Variants in DOCK1 observed in about 807,000 individuals in gnomAD.
DOCK1 encodes dedicator of cytokinesis 1.
A neutral mutation model predicts 262.7 loss-of-function variants in DOCK1; 138 were observed. The observed-to-expected ratio is 0.53, with a 90% CI of 0.46 to 0.61. The LOEUF is 0.61. Ranked by LOEUF, DOCK1 falls within the 20% of genes least tolerant of loss-of-function variation. DOCK1 has a pLI of 0.00. For synonymous variants in DOCK1, 866 were observed against 867.4 expected, an observed-to-expected ratio of 1.00 and a Z score of 0.03; for missense variants, 1,908 against 2,370.7, an observed-to-expected ratio of 0.80 and a Z score of 4.05.
intron 27 of DOCK1, among the ~76,000 whole-genome samples, chr10:127,162,072 G>A (rs139816932): frequency 1.7e-4 from 26 of 152,264 alleles, no homozygotes; most frequent in African/African-American, 5.5e-4. Flanking sequence ...TTTCGAGAAC[G>A]TTAATGCGAT....
At chr10:127,297,303 A>G (rs2061535595) in intron 29 of DOCK1, among the ~76,000 whole-genome samples, 1 of 152,202 alleles carries the variant, frequency 6.6e-6, no homozygotes, top group African/African-American at 2.4e-5. Flanking sequence ...GGAGGGACGA[A>G]TCCATAGCTC....
chr10:126,963,580 CCTCCCTTCCCT>C (rs2037394719), intron 1 of DOCK1, among the ~76,000 whole-genome samples: 4 of 124,472 alleles, frequency 3.2e-5, no homozygotes, highest in African/African-American at 9.4e-5. Context: ...CCTCTCCTTC[CCTCCCTTCCCT>C]TCCCTTCCCT....
At chr10:127,412,905 C>G (rs374574443) in intron 43 of DOCK1, among the ~76,000 whole-genome samples, 2 of 152,298 alleles carry the variant, frequency 1.3e-5, no homozygotes, top group East Asian at 3.9e-4. Flanking sequence ...AGATTATGTT[C>G]ACCCTATTTG....
intron 1 of DOCK1, among the ~76,000 whole-genome samples, chr10:126,916,036 C>T (rs115458662): frequency 0.04 from 6,048 of 152,176 alleles, 424 homozygotes; most frequent in African/African-American, 0.14. Context: ...AAAAGTTAGG[C>T]GTTGGGACAC....
In DOCK1 at chr10:126,960,745, T is replaced by TATAC. The variant is rs1429186588; in HGVS notation, c.47-9956_47-9955insTACA. 1.2e-3 allele frequency among the ~76,000 whole-genome samples: 137 copies of TATAC among 115,496 alleles called. 1 individual carries two copies. The highest frequency in any genetic ancestry group is 1.8e-3 in the Non-Finnish European group (103 of 56,414). The allele number at this position is 115,496 out of a possible 152,430, so 75.8% of individuals were successfully genotyped here. A position where few individuals can be genotyped will look rare whatever the true frequency, so the allele number is the denominator to read the frequency against. On this transcript the variant is annotated intron_variant, in intron 1 of 51. Transcript: ENST00000623213. ...TCAAATATATATATATATATATATA[T>TATAC]ACACACACACACACACAGACACATA...
chr10:127,203,268 A>G, intron 27 of DOCK1, among the ~76,000 whole-genome samples: 1 of 152,172 alleles, frequency 6.6e-6, no homozygotes, highest in African/African-American at 2.4e-5. Flanking sequence ...GATTATCTTG[A>G]ACACCTCTTT....
chr10:126,946,958 C>T (rs901880081), intron 1 of DOCK1, among the ~76,000 whole-genome samples: 18 of 152,284 alleles, frequency 1.2e-4, no homozygotes, highest in Admixed American at 1.2e-3. Flanking sequence ...CATTGTGAAG[C>T]AGATCAATGC....
intron 25 of DOCK1, among the ~76,000 whole-genome samples, chr10:127,115,303 C>T (rs570891110): frequency 1.1e-4 from 17 of 152,264 alleles, no homozygotes; most frequent in Admixed American, 9.8e-4. Context: ...GTGTGTGAGT[C>T]AGTGAATGGG....
At chr10:127,041,004 C>T (rs1480634051) in intron 19 of DOCK1, among the ~76,000 whole-genome samples, 4 of 152,170 alleles carry the variant, frequency 2.6e-5, no homozygotes, top group East Asian at 3.9e-4. Context: ...TTGAATCATA[C>T]GCCCTGTGGC....
intron 23 of DOCK1, among the ~76,000 whole-genome samples, chr10:127,077,444 C>A (rs927204487): frequency 6.6e-6 from 1 of 152,178 alleles, no homozygotes; most frequent in African/African-American, 2.4e-5. Context: ...CTAAGTACTT[C>A]TCCAGCACTG....
chr10:127,008,661 CCTTT>C, intron 10 of DOCK1, 67 bp from the exon 11 acceptor site: 2 of 1,281,118 alleles, frequency 1.6e-6, no homozygotes, highest in Non-Finnish European at 2.2e-6. Flanking sequence ...TTCTGATGTT[CCTTT>C]GTTTGTTTGT....
intron 29 of DOCK1, among the ~76,000 whole-genome samples, chr10:127,270,182 A>G (rs922175001): frequency 6.6e-6 from 1 of 152,134 alleles, no homozygotes; most frequent in African/African-American, 2.4e-5. Flanking sequence ...CCGCACCTCC[A>G]CAGGCTCCCG....
In DOCK1 at chr10:127,175,493, C is replaced by T. The variant is rs564423956; in HGVS notation, c.2847+47729C>T. On this transcript the variant is annotated intron_variant, in intron 27 of 51. Transcript: ENST00000623213. The surrounding 1 kb of genome is among the most constrained non-coding windows in gnomAD (Gnocchi z 6.3). ...GGGGTGAGCAGGCCAGGGCAGTTTC[C>T]GAGGGCGCCTGGAGCCCGTTGAGAT... is the stretch of plus-strand genomic sequence containing the variant. 49 of 1,608,822 alleles carry T rather than the reference C, an allele frequency of 3.0e-5. No individual in the cohort carries two copies. The East Asian group carries it at 4.2e-4, about 14-fold the overall frequency.
At chr10:126,941,639 C>T (rs1050568570) in intron 1 of DOCK1, among the ~76,000 whole-genome samples, 2 of 152,064 alleles carry the variant, frequency 1.3e-5, no homozygotes, top group Non-Finnish European at 2.9e-5. Flanking sequence ...GCCTGTAGTC[C>T]CGCTACTCGG....
intron 27 of DOCK1, among the ~76,000 whole-genome samples, chr10:127,153,414 G>T (rs75302514): frequency 0.022 from 3,274 of 152,262 alleles, 113 homozygotes; most frequent in African/African-American, 0.071. Flanking sequence ...CACAATCCTC[G>T]AGAGTTCCCA....
chr10:127,107,467 C>G (rs923131123), intron 24 of DOCK1, among the ~76,000 whole-genome samples: 1 of 152,150 alleles, frequency 6.6e-6, no homozygotes, highest in East Asian at 1.9e-4. Context: ...ATTTTCTGCT[C>G]CCAGGGCACC....
intron 1 of DOCK1, among the ~76,000 whole-genome samples, chr10:126,957,584 C>G (rs1269678680): frequency 2.6e-5 from 4 of 152,142 alleles, no homozygotes; most frequent in Non-Finnish European, 4.4e-5. Context: ...CTCCTGGGCT[C>G]AAGTGATCCT....
intron 40 of DOCK1, among the ~76,000 whole-genome samples, chr10:127,405,873 C>T (rs1298239701): frequency 1.3e-5 from 2 of 152,176 alleles, no homozygotes; most frequent in East Asian, 3.9e-4. Flanking sequence ...AGCGGTTGAT[C>T]AGAAGCACAG....
At chr10:127,409,555 G>C (rs1736543923) in intron 42 of DOCK1, among the ~76,000 whole-genome samples, 164 bp downstream of exon 42, 1 of 152,124 alleles carries the variant, frequency 6.6e-6, no homozygotes, top group Non-Finnish European at 1.5e-5. Flanking sequence ...ATTATTTTCA[G>C]CATCCAAAAA....
Sources: gnomAD v4.1 joint callset for allele counts (sites outside exome capture counted in the v4.1 genomes callset) on GRCh38, gnomAD v4.1.1 for gene constraint, Gnocchi (gnomAD v3.1) non-coding constraint, MANE v1.5 for transcripts, NCBI Gene and HGNC (gene_info 2026-07-23, HGNC 2026-07-21) for gene names.